Variants in PCDHGA7 observed in about 807,000 individuals in gnomAD.
The protein encoded by PCDHGA7 is protocadherin gamma-A7.
Under a neutral mutation model 58.3 loss-of-function variants are expected in PCDHGA7, and 44 were observed. The ratio of observed to expected loss-of-function variants is 0.75; its 90% CI spans 0.59 to 0.97. The LOEUF is 0.97. Among genes scored for constraint, PCDHGA7 ranks in the 50% least tolerant of loss-of-function variants. The probability of loss-of-function intolerance (pLI) is 0.00; values close to 1 mark genes in which losing one functional copy is unlikely to be tolerated. For missense variants in PCDHGA7, 1,266 were observed against 1,188.7 expected, an observed-to-expected ratio of 1.06 and a Z score of -0.96; for synonymous variants, 516 against 504.2, an observed-to-expected ratio of 1.02 and a Z score of -0.31.
chr5:141,417,566 C>G, intron 1 of PCDHGA7: 1 of 362,746 alleles, frequency 2.8e-6, no homozygotes. Context: ...AGAGAAAAGT[C>G]AAGTTGCAGT....
intron 1 of PCDHGA7, chr5:141,410,783 T>C (rs2095423369): frequency 1.1e-6 from 1 of 919,042 alleles, no homozygotes; most frequent in East Asian, 2.7e-5. Flanking sequence ...ACTATGTATT[T>C]GGTTCATAAG....
chr5:141,400,571 C>T (rs781701893), intron 1 of PCDHGA7: 1 of 1,612,704 alleles, frequency 6.2e-7, no homozygotes, highest in South Asian at 1.1e-5. Context: ...ACCCAATTTT[C>T]TGTATTTACA....
At chr5:141,484,889 TC>T (rs1312115219) in intron 1 of PCDHGA7, 2 of 362,958 alleles carry the variant, frequency 5.5e-6, no homozygotes, top group Admixed American at 8.9e-5. Flanking sequence ...GTGGGCTTTT[TC>T]CCCTCCAATG....
At position 141,486,090 on chromosome 5, in the gene PCDHGA7, G is replaced by C. The variant is rs190955361; in HGVS notation, c.2425-8717G>C. On this transcript the variant is annotated intron_variant, in intron 1 of 3. Transcript: ENST00000518325. The surrounding 1 kb of genome is among the most constrained non-coding windows in gnomAD (Gnocchi z 5.0). ...ACTACTGGAAAGCTTACTCTTTTGG[G>C]GCCCCTAGACTTTGAGAGTGAGAAT... 4 of 1,614,086 alleles carry C rather than the reference G, an allele frequency of 2.5e-6. No individual in the cohort carries two copies. The Admixed American group carries it at 6.7e-5, about 27-fold the overall frequency.
At position 141,511,106 on chromosome 5, in the gene PCDHGA7, G is replaced by T. The variant is rs536900646; in HGVS notation, c.2732G>T (p.Arg911Leu). ...NATLTNAAGK[R>L]DGKAPAGGNG... is the part of the protein sequence containing the mutation. Reference sequence around the variant, plus strand: ...ACACTGACCAACGCAGCTGGCAAGCGGGATGGCAAGGCCCCAGCAGGTGGC... The same window carrying T: ...ACACTGACCAACGCAGCTGGCAAGCTGGATGGCAAGGCCCCAGCAGGTGGC... Residue 911 changes from arginine to leucine, a missense_variant, in exon 4 of 4, where the codon CGG becomes CTG. Transcript: ENST00000518325. 8.7e-6 allele frequency: 14 copies of T among 1,614,196 alleles called. No individual in the cohort carries two copies. Among genetic ancestry groups the T allele is most frequent in the Non-Finnish European group, 1.2e-5 (14 of 1,180,016 alleles).
chr5:141,386,521 A>AG (rs1458324675), intron 1 of PCDHGA7, among the ~76,000 whole-genome samples: 1 of 232 alleles, frequency 4.3e-3, no homozygotes, highest in Non-Finnish European at 0.011. Context: ...TCAAAAAAAG[A>AG]CTCTTTTTAG....
chr5:141,450,650 C>G (rs1220350105), intron 1 of PCDHGA7, among the ~76,000 whole-genome samples: 1 of 151,618 alleles, frequency 6.6e-6, no homozygotes, highest in Non-Finnish European at 1.5e-5. Context: ...CCATGCCTGG[C>G]TAATTTTTGT....
intron 1 of PCDHGA7, among the ~76,000 whole-genome samples, chr5:141,488,117 G>A (rs1231303931): frequency 6.6e-6 from 1 of 152,190 alleles, no homozygotes; most frequent in African/African-American, 2.4e-5. Flanking sequence ...GAAACATAGA[G>A]ACAGCAGAAA....
At chr5:141,406,371 C>T (rs893677721) in intron 1 of PCDHGA7, among the ~76,000 whole-genome samples, 1 of 152,154 alleles carries the variant, frequency 6.6e-6, no homozygotes, top group African/African-American at 2.4e-5. Context: ...TAAGGGTAAA[C>T]TGATAAAAAG....
At chr5:141,410,705 A>G (rs1462423983) in intron 1 of PCDHGA7, 1 of 1,460,780 alleles carries the variant, frequency 6.8e-7, no homozygotes, top group Non-Finnish European at 9.1e-7. Context: ...TTTCATATCT[A>G]GAATCATATG....
intron 1 of PCDHGA7, among the ~76,000 whole-genome samples, chr5:141,435,743 G>T (rs3805699): frequency 0.11 from 17,212 of 152,168 alleles, 1,160 homozygotes; most frequent in African/African-American, 0.18. Context: ...TCTTTGAAAA[G>T]CATTGCTTGA....
At chr5:141,447,400 A>G (rs904985523) in intron 1 of PCDHGA7, among the ~76,000 whole-genome samples, 1 of 152,090 alleles carries the variant, frequency 6.6e-6, no homozygotes, top group Non-Finnish European at 1.5e-5. Flanking sequence ...GGCCTCCCAA[A>G]GTGCTGGGAT....
At chr5:141,405,301 G>C (rs369812265) in intron 1 of PCDHGA7, 2 of 1,614,082 alleles carry the variant, frequency 1.2e-6, no homozygotes, top group African/African-American at 2.7e-5. Context: ...TCAGCCAGCA[G>C]AGCTGTGAGA....
At position 141,493,356 on chromosome 5, in the gene PCDHGA7, C is replaced by A. The variant is rs1303319550; in HGVS notation, c.2425-1451C>A. Among the ~76,000 whole-genome samples, 1 of 152,182 alleles carries A rather than the reference C, an allele frequency of 6.6e-6. No individual in the cohort carries two copies. The highest frequency in any genetic ancestry group is 2.4e-5 in the African/African-American group (1 of 41,438). On this transcript the variant is annotated intron_variant, in intron 1 of 3. Transcript: ENST00000518325. This position sits in a 1 kb window ranked among gnomAD's most constrained non-coding sequence, Gnocchi z 4.3. ...ACTCCAGAATGTGTGCTTTTAATTT[C>A]TTGGCACTTGGAACTTTAAAAGCTT...
intron 1 of PCDHGA7, chr5:141,423,481 C>G: frequency 6.2e-7 from 1 of 1,613,908 alleles, no homozygotes; most frequent in South Asian, 1.1e-5. Context: ...GGCTTTCCTG[C>G]AAACCTATTC....
intron 1 of PCDHGA7, chr5:141,411,444 T>C (rs1589800236): frequency 6.8e-6 from 1 of 147,662 alleles, no homozygotes; most frequent in African/African-American, 2.5e-5. Context: ...ATTAGCAGAG[T>C]GTGGTAGCAT....
chr5:141,427,782 T>G, intron 1 of PCDHGA7: 1 of 1,459,986 alleles, frequency 6.8e-7, no homozygotes, highest in Middle Eastern at 1.7e-4. Context: ...GCGGGCACTG[T>G]CGTCCTACGT....
chr5:141,464,823 C>T (rs890811354), intron 1 of PCDHGA7, among the ~76,000 whole-genome samples: 5 of 151,986 alleles, frequency 3.3e-5, no homozygotes, highest in African/African-American at 1.2e-4. Flanking sequence ...ACTGTAGCCT[C>T]GCACTCCTGG....
rs933089146 is a variant in PCDHGA7, at chr5:141,490,786, A to G, written c.2425-4021A>G. ...GTATGTCAACCCAGAGGATGGACGGATCTTTGCCCAGCGTACCTTTGACTA... is the reference window on the plus strand; with the variant it reads ...GTATGTCAACCCAGAGGATGGACGGGTCTTTGCCCAGCGTACCTTTGACTA... On this transcript the variant is annotated intron_variant, in intron 1 of 3. Coordinates refer to ENST00000518325, the MANE Select transcript of PCDHGA7 (RefSeq NM_018920.4). This position sits in a 1 kb window ranked among gnomAD's most constrained non-coding sequence, Gnocchi z 5.4. The G allele has an allele frequency of 1.9e-6, 3 of 1,614,056 alleles. No individual in the cohort carries two copies. The highest frequency in any genetic ancestry group is 1.7e-5 in the Admixed American group (1 of 60,016).
Sources: gnomAD v4.1 joint callset for allele counts (sites outside exome capture counted in the v4.1 genomes callset) on GRCh38, gnomAD v4.1.1 for gene constraint, Gnocchi (gnomAD v3.1) non-coding constraint, MANE v1.5 for transcripts, NCBI Gene and HGNC (gene_info 2026-07-23, HGNC 2026-07-21) for gene names.